The following TECPR2 variants were observed in gnomAD, a reference collection of about 807,000 sequenced individuals.
TECPR2 encodes the protein tectonin beta-propeller repeat-containing protein 2.
Under a neutral mutation model 138.1 loss-of-function variants are expected in TECPR2, and 65 were observed. That is an observed-to-expected ratio of 0.47 (90% CI 0.39 to 0.58). TECPR2 has a LOEUF of 0.58. Ranked by LOEUF, TECPR2 falls within the 20% of genes least tolerant of loss-of-function variation. TECPR2 has a pLI of 0.00. For missense variants in TECPR2, 1,553 were observed against 1,824.5 expected (o/e 0.85, Z 2.71); for synonymous variants, 746 against 749.8 (o/e 0.99, Z 0.08).
chr14:102,424,701 G>A (rs1411605645), intron 5 of TECPR2, among the ~76,000 whole-genome samples: 1 of 152,174 alleles, frequency 6.6e-6, no homozygotes, highest in African/African-American at 2.4e-5. Context: ...CACGAGAGTG[G>A]GATCAAGTGC....
chr14:102,480,850 T>TTG lies in TECPR2; in HGVS notation c.3789+15562_3789+15563insGT, dbSNP rs1555454613. On this transcript the variant is annotated intron_variant, in intron 17 of 19. Coordinates refer to ENST00000359520, the MANE Select transcript of TECPR2 (RefSeq NM_014844.5). ...TGTTTTTTGGTTTTGGGTTTTTTTT[T>TTG]TTTTTTTTTTTTTTGAGATGGAGTC... 5.6e-5 allele frequency among the ~76,000 whole-genome samples: 7 copies of TTG among 124,032 alleles called. No individual in the cohort carries two copies. In the East Asian group the frequency reaches 1.4e-3, roughly 24 times the overall value. The allele number at this position is 124,032 out of a possible 152,430, so 81.4% of individuals were successfully genotyped here.
chr14:102,437,216 A>G (rs750525180), intron 9 of TECPR2: 10 of 977,954 alleles, frequency 1.0e-5, no homozygotes, highest in Non-Finnish European at 1.2e-5. Flanking sequence ...GAAAAGTATT[A>G]AAGTACAAAG....
rs777858951 is a variant in TECPR2, at chr14:102,434,811, C to A, written c.1994C>A (p.Pro665His). 1 of 1,613,366 alleles carries A rather than the reference C, an allele frequency of 6.2e-7. No individual in the cohort carries two copies. The highest frequency in any genetic ancestry group is 8.5e-7 in the Non-Finnish European group (1 of 1,180,034). ...GCCCCAAGTGCTGAACAGTGGCTGC[C>A]TGGGACCAGAGCTGATGAAGGCAGC... ...SWAPSAEQWL[P>H]GTRADEGSPV... The change falls in exon 9 of 20, where the codon CCT becomes CAT. Residue 665 changes from proline (P) to histidine (H), a missense_variant. By Grantham distance (77) the Pro-to-His change is moderately conservative. Coordinates refer to ENST00000359520, the MANE Select transcript of TECPR2 (RefSeq NM_014844.5).
chr14:102,457,904 A>G (rs1283369833), intron 16 of TECPR2, among the ~76,000 whole-genome samples: 2 of 97,202 alleles, frequency 2.1e-5, no homozygotes, highest in South Asian at 3.0e-4. Flanking sequence ...ATAGTGTCTC[A>G]CCATGTTGCC....
At chr14:102,447,595 C>T (rs1316962434) in intron 13 of TECPR2, among the ~76,000 whole-genome samples, 1 of 152,022 alleles carries the variant, frequency 6.6e-6, no homozygotes, top group South Asian at 2.1e-4. Context: ...AGTACAATGG[C>T]GCAATCTCGG....
chr14:102,459,556 GA>G (rs1467822031), intron 16 of TECPR2, among the ~76,000 whole-genome samples: 5 of 152,140 alleles, frequency 3.3e-5, no homozygotes, highest in African/African-American at 1.2e-4. Context: ...AAGGTGCGTA[GA>G]TCACGAGATC....
chr14:102,479,528 G>A (rs753011141), intron 17 of TECPR2, among the ~76,000 whole-genome samples: 8 of 152,138 alleles, frequency 5.3e-5, no homozygotes, highest in Non-Finnish European at 1.2e-4. Flanking sequence ...GAGCAGGGCC[G>A]GACAGGACCC....
rs1177298838 is a variant in TECPR2 at position 102,502,239 on chromosome 14, AG to A, written c.*3985del. On this transcript the variant is annotated 3_prime_UTR_variant, in exon 20 of 20. Coordinates refer to ENST00000359520, the MANE Select transcript of TECPR2 (RefSeq NM_014844.5). ...AGAGGGAGAAAGGGAGAGAAGGGGG[AG>A]GGAGACAACCCAAACGTTGGAGGGT... 2 of 152,536 alleles carry A rather than the reference AG, an allele frequency of 1.3e-5. No individual in the cohort carries two copies. The highest frequency in any genetic ancestry group is 4.8e-5 in the African/African-American group (2 of 41,444). 9.4% of individuals were successfully genotyped at this position (152,536 alleles called of 1,614,324 possible). A position where few individuals can be genotyped will look rare whatever the true frequency, so the allele number is the denominator to read the frequency against.
At chr14:102,437,725 T>C (rs189065671) in intron 9 of TECPR2, among the ~76,000 whole-genome samples, 64 of 152,274 alleles carry the variant, frequency 4.2e-4, no homozygotes, top group Non-Finnish European at 7.8e-4. Context: ...AGCAGCTCCT[T>C]CGTAACGTGA....
chr14:102,411,249 ATTTTG>A (rs1444542915), intron 4 of TECPR2, among the ~76,000 whole-genome samples: 4 of 152,234 alleles, frequency 2.6e-5, no homozygotes, highest in African/African-American at 4.8e-5. Context: ...TTTCAACACC[ATTTTG>A]TTTTATTTTT....
At chr14:102,497,800 A>C in intron 19 of TECPR2, 81 bp downstream of exon 19, 1 of 1,448,960 alleles carries the variant, frequency 6.9e-7, no homozygotes, top group South Asian at 1.4e-5. Flanking sequence ...GCTCTCAAAG[A>C]AGCCGACCCC....
Position 102,450,353 on chromosome 14 carries a change from G to A in TECPR2, c.3317-207G>A, listed in dbSNP as rs1039199509. 2.6e-5 allele frequency among the ~76,000 whole-genome samples: 4 copies of A among 152,172 alleles called. No homozygotes were observed. In the East Asian group the frequency reaches 5.8e-4, roughly 22 times the overall value. On this transcript the variant is annotated intron_variant, in intron 14 of 19. Coordinates refer to ENST00000359520, the MANE Select transcript of TECPR2 (RefSeq NM_014844.5). ...CCTCTCCCTGCTGCATGGCCTCCAC[G>A]ACCCTGGACTGGGTGTGGCTCTGCC...
rs1230327871 is a variant in TECPR2 at position 102,433,445 on chromosome 14, C to G, written c.1418-790C>G. Reference sequence around the variant, plus strand: ...TGCATTAATTTGCTTAGGATTACGGCCAGCGGTTCCATCCATGTTGCTGTA... The same window carrying G: ...TGCATTAATTTGCTTAGGATTACGGGCAGCGGTTCCATCCATGTTGCTGTA... On this transcript the variant is annotated intron_variant, in intron 8 of 19. Transcript: ENST00000359520. Among the ~76,000 whole-genome samples, 6 of 152,072 alleles carry G rather than the reference C, an allele frequency of 3.9e-5. No individual in the cohort carries two copies. The Middle Eastern group carries it at 0.017, about 431-fold the overall frequency.
chr14:102,432,252 T>G (rs1889518269), intron 8 of TECPR2, 124 bp downstream of exon 8: 15 of 1,006,740 alleles, frequency 1.5e-5, no homozygotes, highest in African/African-American at 3.3e-5. Context: ...CATACATTTC[T>G]TCCCCAAAGG....
At chr14:102,493,757 C>T (rs774527781) in intron 17 of TECPR2, among the ~76,000 whole-genome samples, 1 of 152,210 alleles carries the variant, frequency 6.6e-6, no homozygotes, top group African/African-American at 2.4e-5. Flanking sequence ...GTGACAGGGG[C>T]AGGGGCTGCG....
At chr14:102,396,020 T>C (rs1888305031) in intron 2 of TECPR2, among the ~76,000 whole-genome samples, 1 of 152,066 alleles carries the variant, frequency 6.6e-6, no homozygotes, top group Non-Finnish European at 1.5e-5. Flanking sequence ...AACTTGGATC[T>C]GGGGCAGCTC....
chr14:102,454,459 C>G (rs1408097101), intron 16 of TECPR2, among the ~76,000 whole-genome samples: 2 of 152,154 alleles, frequency 1.3e-5, no homozygotes, highest in Non-Finnish European at 2.9e-5. Flanking sequence ...AACTTTTGTT[C>G]TTTATGCTTT....
intron 16 of TECPR2, among the ~76,000 whole-genome samples, chr14:102,461,647 G>T (rs1361416557): frequency 2.0e-5 from 3 of 152,202 alleles, no homozygotes; most frequent in Non-Finnish European, 4.4e-5. Flanking sequence ...GTGAACCGTG[G>T]CCCCCGCTCC....
rs910913878 is a variant in TECPR2 at position 102,363,133 on chromosome 14, C to T, written c.-73+17C>T. On this transcript the variant is annotated intron_variant, in intron 1 of 19. Coordinates refer to ENST00000359520, the MANE Select transcript of TECPR2 (RefSeq NM_014844.5). ...CCGCGGGAGGTGAGTCCGGCGACGC[C>T]GCAAGCGGCCCCGACGCCCCCGACG... 7.2e-5 allele frequency: 27 copies of T among 374,152 alleles called. No individual in the cohort carries two copies. Among genetic ancestry groups the T allele is most frequent in the Non-Finnish European group, 6.2e-5 (13 of 211,132 alleles). 23.2% of individuals were successfully genotyped at this position (374,152 alleles called of 1,614,324 possible). A position where few individuals can be genotyped will look rare whatever the true frequency, so the allele number is the denominator to read the frequency against.
Sources: gnomAD v4.1 joint callset for allele counts (sites outside exome capture counted in the v4.1 genomes callset) on GRCh38, gnomAD v4.1.1 for gene constraint, MANE v1.5 for transcripts, NCBI Gene and HGNC (gene_info 2026-07-23, HGNC 2026-07-21) for gene names.